Variants in HERC4 observed in about 807,000 individuals in gnomAD.
HERC4 encodes probable E3 ubiquitin-protein ligase HERC4.
In HERC4, 28 loss-of-function variants were observed where a neutral mutation model predicts 124.3. The ratio of observed to expected loss-of-function variants is 0.23; its 90% CI spans 0.17 to 0.31. The LOEUF is 0.31. Among genes scored for constraint, HERC4 ranks in the 10% least tolerant of loss-of-function variants. HERC4 has a pLI of 1.00. For missense variants in HERC4, 713 were observed against 1,229.3 expected (o/e 0.58, Z 6.28); for synonymous variants, 407 against 421.5 (o/e 0.97, Z 0.42).
At chr10:67,927,404 AT>A (rs2031156521) in intron 23 of HERC4, among the ~76,000 whole-genome samples, 1 of 8,470 alleles carries the variant, frequency 1.2e-4, no homozygotes, top group East Asian at 1.6e-3. Flanking sequence ...ATATATATAT[AT>A]ATATATATAT....
intron 15 of HERC4, among the ~76,000 whole-genome samples, chr10:67,984,132 T>G (rs1264259537): frequency 2.0e-5 from 3 of 151,496 alleles, no homozygotes; most frequent in African/African-American, 7.3e-5. Flanking sequence ...TGAAACCCCA[T>G]CTCTACTAAA....
rs1405675951 is a variant in HERC4 at position 68,052,001 on chromosome 10, T to C, written c.227-7438A>G. ...TTCTTTATGCTTCAAACTGTTCATA[T>C]AAAAAGGGTGAAAAAAAAGTATCAT... On this transcript the variant is annotated intron_variant, in intron 3 of 24. Transcript: ENST00000373700. Among the ~76,000 whole-genome samples, 3 of 151,964 alleles carry C rather than the reference T, an allele frequency of 2.0e-5. No homozygotes were observed. The East Asian group carries it at 5.8e-4, about 29-fold the overall frequency.
intron 6 of HERC4, 58 bp from the exon 7 acceptor site, chr10:68,032,927 G>T: frequency 1.1e-6 from 1 of 875,776 alleles, no homozygotes; most frequent in Non-Finnish European, 2.0e-6. Flanking sequence ...TCATCTAGAT[G>T]TGTTTCCTCT....
chr10:67,976,264 A>T (rs1409869707), intron 15 of HERC4, among the ~76,000 whole-genome samples: 1 of 152,228 alleles, frequency 6.6e-6, no homozygotes, highest in African/African-American at 2.4e-5. Context: ...TACTAAAAAA[A>T]GAAATATACA....
chr10:67,949,538 T>C (rs1014481182), intron 19 of HERC4, among the ~76,000 whole-genome samples: 2 of 152,178 alleles, frequency 1.3e-5, no homozygotes, highest in African/African-American at 4.8e-5. Context: ...ATATCCCTTA[T>C]GACTATAGAT....
intron 4 of HERC4, chr10:68,039,519 A>G (rs1374806751): frequency 1.3e-6 from 2 of 1,549,876 alleles, no homozygotes; most frequent in East Asian, 2.4e-5. Flanking sequence ...AGCAGGAAAA[A>G]GGAGAGTTAC....
intron 15 of HERC4, among the ~76,000 whole-genome samples, chr10:67,983,490 A>C (rs2036060821): frequency 6.6e-6 from 1 of 152,108 alleles, no homozygotes; most frequent in Non-Finnish European, 1.5e-5. Flanking sequence ...CAGTAGGTGA[A>C]TGAATAAGGC....
chr10:68,059,463 A>ATATTATATATTATAATAT (rs1564606646), intron 3 of HERC4, among the ~76,000 whole-genome samples: 2 of 129,552 alleles, frequency 1.5e-5, no homozygotes, highest in African/African-American at 6.0e-5. Flanking sequence ...TATTATAATA[A>ATATTATATATTATAATAT]TATTATATAT....
In HERC4 at chr10:68,004,294, T is replaced by C. The variant is rs185453850; in HGVS notation, c.1069+9732A>G. Among the ~76,000 whole-genome samples the C allele has an allele frequency of 4.5e-3, 681 of 152,362 alleles. 4 individuals carry two copies. Among genetic ancestry groups the C allele is most frequent in the African/African-American group, 0.015 (638 of 41,584 alleles). On this transcript the variant is annotated intron_variant, in intron 9 of 24. Transcript: ENST00000373700. Reference sequence around the variant, plus strand: ...CAGAGTTGTCTTTATATATTCTGGTTATTAATTCCTTATCAGACGGGTAGT... The same window carrying C: ...CAGAGTTGTCTTTATATATTCTGGTCATTAATTCCTTATCAGACGGGTAGT...
chr10:68,035,156 C>CT (rs34966031), intron 5 of HERC4, among the ~76,000 whole-genome samples: 14,900 of 139,602 alleles, frequency 0.11, 849 homozygotes, highest in South Asian at 0.15. Flanking sequence ...GACAACCACT[C>CT]TTTTTTTTTT....
intron 19 of HERC4, among the ~76,000 whole-genome samples, chr10:67,948,091 T>C (rs1289360410): frequency 3.9e-5 from 5 of 129,266 alleles, no homozygotes; most frequent in Non-Finnish European, 8.4e-5. Context: ...CTACAACTTA[T>C]AGGATGCAAA....
In HERC4 at chr10:67,922,843, C is replaced by T. The variant is rs1401563113; in HGVS notation, c.*88G>A. Reference sequence around the variant, plus strand: ...CTGCAAGTAAGAATTATAATAGTACCTCTGTCACCTTGCTGAATTCATCAC... The same window carrying T: ...CTGCAAGTAAGAATTATAATAGTACTTCTGTCACCTTGCTGAATTCATCAC... On this transcript the variant is annotated 3_prime_UTR_variant, in exon 25 of 25. Transcript: ENST00000373700. The T allele has an allele frequency of 3.3e-6, 3 of 898,784 alleles. No individual in the cohort carries two copies. In the East Asian group the frequency reaches 7.3e-5, roughly 22 times the overall value. The allele number at this position is 898,784 out of a possible 1,614,324, so 55.7% of individuals were successfully genotyped here.
intron 9 of HERC4, among the ~76,000 whole-genome samples, chr10:68,004,668 A>G (rs777831233): frequency 6.6e-6 from 1 of 152,230 alleles, no homozygotes; most frequent in Non-Finnish European, 1.5e-5. Flanking sequence ...CTCACAGTTC[A>G]GCATAGCTGG....
intron 4 of HERC4, among the ~76,000 whole-genome samples, chr10:68,043,800 T>C (rs528617577): frequency 6.6e-6 from 1 of 152,218 alleles, no homozygotes; most frequent in South Asian, 2.1e-4. Context: ...CAGGCAACAG[T>C]GCGAGACTCT....
intron 4 of HERC4, chr10:68,039,632 C>G: frequency 7.3e-7 from 1 of 1,376,282 alleles, no homozygotes; most frequent in Non-Finnish European, 9.4e-7. Context: ...CAGAATCCAA[C>G]AAATTAGCAG....
At chr10:67,924,763 A>G (rs2030684544) in intron 24 of HERC4, among the ~76,000 whole-genome samples, 1 of 152,214 alleles carries the variant, frequency 6.6e-6, no homozygotes, top group African/African-American at 2.4e-5. Context: ...ATGCCAAAGG[A>G]TGACTATACT....
intron 8 of HERC4, among the ~76,000 whole-genome samples, chr10:68,022,392 G>A (rs2038677295): frequency 6.6e-6 from 1 of 152,050 alleles, no homozygotes; most frequent in Admixed American, 6.6e-5. Context: ...CCAGTCACTT[G>A]GGAAACTGAG....
chr10:67,956,736 T>C (rs900897224), intron 17 of HERC4, 142 bp downstream of exon 17: 2 of 458,748 alleles, frequency 4.4e-6, no homozygotes, highest in Non-Finnish European at 7.7e-6. Flanking sequence ...AATATACATA[T>C]CACATGCAGC....
intron 9 of HERC4, among the ~76,000 whole-genome samples, chr10:68,005,197 C>T (rs1463752490): frequency 2.0e-5 from 3 of 152,026 alleles, no homozygotes; most frequent in Admixed American, 1.3e-4. Context: ...TAACAATATC[C>T]GCTTTGTATA....
Sources: gnomAD v4.1 joint callset for allele counts (sites outside exome capture counted in the v4.1 genomes callset) on GRCh38, gnomAD v4.1.1 for gene constraint, MANE v1.5 for transcripts, NCBI Gene and HGNC (gene_info 2026-07-23, HGNC 2026-07-21) for gene names.